NECAB1: variants seen among roughly 807,000 people sequenced by gnomAD.
NECAB1 encodes the protein N-terminal EF-hand calcium-binding protein 1.
NECAB1 carries 29 observed loss-of-function variants against 57.5 expected under a neutral mutation model. That is an observed-to-expected ratio of 0.50 (90% CI 0.38 to 0.69). The LOEUF is 0.69. Among genes scored for constraint, NECAB1 ranks in the 30% least tolerant of loss-of-function variants. The pLI, the probability that NECAB1 is intolerant of heterozygous loss-of-function variation, is 0.00. For missense variants in NECAB1, 372 were observed against 413.8 expected (o/e 0.90, Z 0.88); for synonymous variants, 142 against 147.7 (o/e 0.96, Z 0.28).
intron 3 of NECAB1, among the ~76,000 whole-genome samples, chr8:90,832,305 C>G (rs950807167): frequency 1.3e-5 from 2 of 152,156 alleles, no homozygotes; most frequent in Non-Finnish European, 2.9e-5. Flanking sequence ...ACTCCACAAC[C>G]TGCAGTGTGG....
At chr8:90,810,843 G>A (rs1031844287) in intron 2 of NECAB1, among the ~76,000 whole-genome samples, 4 of 152,170 alleles carry the variant, frequency 2.6e-5, no homozygotes, top group Non-Finnish European at 4.4e-5. Context: ...TTGAGGTGGG[G>A]TAAGGGGCAT....
chr8:90,916,248 A>C (rs548754405), intron 5 of NECAB1, among the ~76,000 whole-genome samples: 1 of 152,354 alleles, frequency 6.6e-6, no homozygotes, highest in East Asian at 1.9e-4. Context: ...ATGCTATTAC[A>C]TTATTCTTCT....
At chr8:90,809,065 C>T (rs1466058796) in intron 2 of NECAB1, among the ~76,000 whole-genome samples, 1 of 152,210 alleles carries the variant, frequency 6.6e-6, no homozygotes, top group Non-Finnish European at 1.5e-5. Flanking sequence ...GACTCCAGAG[C>T]TGCACTAGTG....
chr8:90,957,282 A>T lies in NECAB1; in HGVS notation c.*1770A>T, dbSNP rs116762348. The T allele has an allele frequency of 1.3e-3, 197 of 152,082 alleles. 1 individual carries two copies. Among genetic ancestry groups the T allele is most frequent in the African/African-American group, 4.7e-3 (195 of 41,532 alleles). 9.4% of individuals were successfully genotyped at this position (152,082 alleles called of 1,614,324 possible). On this transcript the variant is annotated 3_prime_UTR_variant, in exon 13 of 13. Transcript: ENST00000417640. ...CAAAAATACAAATTATAGCCAATCAAAACATTGCTTTGGTTGGTGCATTTA... is the reference window on the plus strand; with the variant it reads ...CAAAAATACAAATTATAGCCAATCATAACATTGCTTTGGTTGGTGCATTTA...
At chr8:90,910,399 T>C (rs1586115344) in intron 5 of NECAB1, among the ~76,000 whole-genome samples, 1 of 152,108 alleles carries the variant, frequency 6.6e-6, no homozygotes, top group East Asian at 1.9e-4. Context: ...AAGAATTCAG[T>C]TTTCCTGAAT....
At chr8:90,948,813 C>T (rs973959877) in intron 10 of NECAB1, among the ~76,000 whole-genome samples, 1 of 152,166 alleles carries the variant, frequency 6.6e-6, no homozygotes, top group Non-Finnish European at 1.5e-5. Context: ...ATAATACCCT[C>T]CATACAAAAC....
At chr8:90,897,842 T>C (rs1809395802) in intron 5 of NECAB1, among the ~76,000 whole-genome samples, 1 of 152,202 alleles carries the variant, frequency 6.6e-6, no homozygotes, top group African/African-American at 2.4e-5. Context: ...AAGAATGCCT[T>C]CATTTGTAGG....
intron 2 of NECAB1, among the ~76,000 whole-genome samples, chr8:90,820,614 G>A (rs1812128320): frequency 6.6e-6 from 1 of 151,504 alleles, no homozygotes. Flanking sequence ...TCAGATCAGA[G>A]CTCTAGTTGT....
chr8:90,853,909 C>T (rs775400583), intron 3 of NECAB1, among the ~76,000 whole-genome samples: 2 of 145,876 alleles, frequency 1.4e-5, no homozygotes, highest in Non-Finnish European at 3.0e-5. Context: ...AGGAATGTAG[C>T]TACATAAGGG....
rs775858882 is a variant in NECAB1, at chr8:90,801,668, AT to A, written c.100-17del. The A allele has an allele frequency of 2.6e-5, 39 of 1,496,122 alleles. No homozygotes were observed. In the African/African-American group the frequency reaches 5.1e-4, roughly 19 times the overall value. 92.7% of individuals were successfully genotyped at this position (1,496,122 alleles called of 1,614,324 possible). On this transcript the variant is annotated intron_variant, in intron 1 of 12. Coordinates refer to ENST00000417640, the MANE Select transcript of NECAB1 (RefSeq NM_022351.5). ...AATATTTATCTAAAATGCTGATAAAATTTTTTCCTTTTTCCTTTCCAGATAC... is the reference window on the plus strand; with the variant it reads ...AATATTTATCTAAAATGCTGATAAAATTTTTCCTTTTTCCTTTCCAGATAC...
intron 5 of NECAB1, among the ~76,000 whole-genome samples, chr8:90,910,065 GTTTA>G (rs1012898102): frequency 1.3e-5 from 2 of 151,794 alleles, no homozygotes; most frequent in Non-Finnish European, 2.9e-5. Context: ...TACATGTAAT[GTTTA>G]TTTGTTTTTA....
chr8:90,955,117 TATATATATATATATATA>T (rs1811006020), intron 12 of NECAB1, among the ~76,000 whole-genome samples: 1 of 86,860 alleles, frequency 1.2e-5, no homozygotes, highest in African/African-American at 7.1e-5. Flanking sequence ...ATAAATTATA[TATATATATATATATATA>T]TATATATATA....
chr8:90,820,562 C>T (rs535631445), intron 2 of NECAB1, among the ~76,000 whole-genome samples: 1 of 151,740 alleles, frequency 6.6e-6, no homozygotes, highest in Admixed American at 6.6e-5. Context: ...TTTAAATGCT[C>T]ACAAAAACAG....
chr8:90,949,053 G>T (rs770944532), intron 10 of NECAB1, among the ~76,000 whole-genome samples: 23 of 151,880 alleles, frequency 1.5e-4, no homozygotes, highest in East Asian at 1.9e-4. Context: ...CACCCAAATT[G>T]GAAAAGAAAT....
intron 10 of NECAB1, among the ~76,000 whole-genome samples, chr8:90,943,314 A>T (rs1810720634): frequency 6.6e-6 from 1 of 152,276 alleles, no homozygotes; most frequent in South Asian, 2.1e-4. Flanking sequence ...TTACTTTGCA[A>T]GATTGGTTTG....
intron 5 of NECAB1, among the ~76,000 whole-genome samples, chr8:90,892,672 G>C (rs1345566293): frequency 6.6e-6 from 1 of 152,148 alleles, no homozygotes; most frequent in African/African-American, 2.4e-5. Context: ...GCAACCCACT[G>C]TCTGGGCCAC....
intron 3 of NECAB1, among the ~76,000 whole-genome samples, chr8:90,826,389 C>A (rs1394452292): frequency 6.6e-6 from 1 of 151,898 alleles, no homozygotes; most frequent in Non-Finnish European, 1.5e-5. Flanking sequence ...AATTGTGGAT[C>A]TACTTAAGGA....
chr8:90,872,338 G>A (rs971966915), intron 4 of NECAB1, 185 bp downstream of exon 4: 2 of 498,952 alleles, frequency 4.0e-6, no homozygotes, highest in Admixed American at 4.0e-5. Context: ...TTTCACTCCA[G>A]AAAGAGTTGG....
Position 90,940,818 on chromosome 8 carries a change from G to T in NECAB1, c.780G>T (p.Val260=). The T allele has an allele frequency of 6.4e-7, 1 of 1,563,316 alleles. No homozygotes were observed. The change falls in exon 10 of 13, where the codon GTG becomes GTT. Residue 260 remains valine, a synonymous_variant. Coordinates refer to ENST00000417640, the MANE Select transcript of NECAB1 (RefSeq NM_022351.5). ...HIMLVQRQMS[V]IEEDLEEFQL... ...TGCTTGTGCAGCGGCAGATGTCTGT[G>T]ATAGAAGAGGACCTGGAAGAATTCC...
Sources: allele counts gnomAD v4.1 joint callset (sites outside exome capture counted in the v4.1 genomes callset), GRCh38; gene constraint gnomAD v4.1.1; transcripts MANE v1.5; gene names NCBI Gene and HGNC (gene_info 2026-07-23, HGNC 2026-07-21).